PSEN1: variants seen among roughly 807,000 people sequenced by gnomAD.
The protein encoded by PSEN1 is presenilin 1, also known as presenilin-1.
Under a neutral mutation model 53.5 loss-of-function variants are expected in PSEN1, and 15 were observed. The ratio of observed to expected loss-of-function variants is 0.28; its 90% CI spans 0.19 to 0.43. The LOEUF (loss-of-function observed/expected upper bound fraction) is 0.43. Ranked by LOEUF, PSEN1 falls within the 20% of genes least tolerant of loss-of-function variation. The pLI is 1.00. For missense variants in PSEN1, 387 were observed against 571.2 expected, an observed-to-expected ratio of 0.68 and a Z score of 3.29; for synonymous variants, 208 against 209.8, an observed-to-expected ratio of 0.99 and a Z score of 0.08.
At position 73,220,407 on chromosome 14, in the gene PSEN1, C is replaced by A. The variant is rs1248388663; in HGVS notation, c.*1118C>A. The A allele has an allele frequency of 6.5e-6, 1 of 152,678 alleles. No homozygotes were observed. Among genetic ancestry groups the A allele is most frequent in the Non-Finnish European group, 1.5e-5 (1 of 68,044 alleles). The allele number at this position is 152,678 out of a possible 1,614,324, so 9.5% of individuals were successfully genotyped here. A position where few individuals can be genotyped will look rare whatever the true frequency, so the allele number is the denominator to read the frequency against. ...AGTAAAATGGCTGTTGAAGCACTTT[C>A]TGTCCTGGTATTTTGTTTTTGCTTT... On this transcript the variant is annotated 3_prime_UTR_variant, in exon 12 of 12. Transcript: ENST00000324501.
chr14:73,218,688 C>T (rs1302517414), intron 11 of PSEN1, among the ~76,000 whole-genome samples: 1 of 149,978 alleles, frequency 6.7e-6, no homozygotes, highest in African/African-American at 2.5e-5. Flanking sequence ...AATGCCCCCG[C>T]ACAGCATAGA....
chr14:73,166,688 G>T (rs765739473), intron 3 of PSEN1, among the ~76,000 whole-genome samples: 1 of 152,142 alleles, frequency 6.6e-6, no homozygotes, highest in African/African-American at 2.4e-5. Context: ...TTCTGGTCCC[G>T]TTGGCCTCAC....
At chr14:73,169,532 T>G (rs1026225185) in intron 3 of PSEN1, 1 of 152,230 alleles carries the variant, frequency 6.6e-6, no homozygotes, top group Non-Finnish European at 1.5e-5. Context: ...AGCCTGTTTA[T>G]CTTATTGTGT....
At chr14:73,202,460 A>G (rs1206202412) in intron 8 of PSEN1, among the ~76,000 whole-genome samples, 2 of 12,164 alleles carry the variant, frequency 1.6e-4, no homozygotes, top group African/African-American at 5.3e-4. Context: ...ATATATATAT[A>G]TATTTTTTTT....
intron 7 of PSEN1, among the ~76,000 whole-genome samples, chr14:73,194,425 TA>T (rs35230037): frequency 7.9e-5 from 12 of 151,556 alleles, no homozygotes; most frequent in African/African-American, 2.2e-4. Context: ...CCTAATTTTT[TA>T]AAAAAAAATT....
At chr14:73,214,434 G>A (rs1899827016) in intron 10 of PSEN1, among the ~76,000 whole-genome samples, 1 of 151,728 alleles carries the variant, frequency 6.6e-6, no homozygotes, top group South Asian at 2.1e-4. Context: ...GGAGGCTGAG[G>A]CAGGAGAATC....
intron 5 of PSEN1, among the ~76,000 whole-genome samples, chr14:73,175,459 T>C (rs1237946140): frequency 6.6e-6 from 1 of 151,486 alleles, no homozygotes; most frequent in Non-Finnish European, 1.5e-5. Context: ...CTGAGCAACA[T>C]AGTAAGACCT....
Position 73,221,483 on chromosome 14 carries a change from T to C in PSEN1, c.*2194T>C, listed in dbSNP as rs1352789434. 1 of 152,142 alleles carries C rather than the reference T, an allele frequency of 6.6e-6. No homozygotes were observed. Among genetic ancestry groups the C allele is most frequent in the African/African-American group, 2.4e-5 (1 of 41,382 alleles). 9.4% of individuals were successfully genotyped at this position (152,142 alleles called of 1,614,324 possible). On this transcript the variant is annotated 3_prime_UTR_variant, in exon 12 of 12. Coordinates refer to ENST00000324501, the MANE Select transcript of PSEN1 (RefSeq NM_000021.4). ...TGTGTATTTAAATCCATCCTATGTATTACTGATTGTCCTGTGTAGAAAGAT... is the reference window on the plus strand; with the variant it reads ...TGTGTATTTAAATCCATCCTATGTACTACTGATTGTCCTGTGTAGAAAGAT...
rs1321315363 is a variant in PSEN1, at chr14:73,151,878, T to TTTTATATATATATATATATATATATA, written c.87+3773_87+3774insTTATATATATATATATATATATATAT. Among the ~76,000 whole-genome samples, 34 of 56,924 alleles carry TTTTATATATATATATATATATATATA rather than the reference T, an allele frequency of 6.0e-4. 1 individual carries two copies. The highest frequency in any genetic ancestry group is 3.0e-3 in the African/African-American group (33 of 10,970). 37.3% of individuals were successfully genotyped at this position (56,924 alleles called of 152,430 possible). ...GCTACTGCGCCCAACCTAAAATATTTTATATATATATATATATTTTTTTTT... is the reference window on the plus strand; with the variant it reads ...GCTACTGCGCCCAACCTAAAATATTTTTTATATATATATATATATATATATATATATATATATATATATTTTTTTTT... On this transcript the variant is annotated intron_variant, in intron 3 of 11. Transcript: ENST00000324501.
rs150816995 is a variant in PSEN1 at position 73,196,923 on chromosome 14, T to C, written c.770-1108T>C. Among the ~76,000 whole-genome samples, 27 of 150,292 alleles carry C rather than the reference T, an allele frequency of 1.8e-4. 1 individual carries two copies. The highest frequency in any genetic ancestry group is 6.6e-4 in the African/African-American group (27 of 40,766). The stretch of plus-strand genomic sequence containing the variant: ...ATATTTTTATATTCTGAATTTTCTT[T>C]CTTTCTTTCTTTTTTTTTTTTTTTT... On this transcript the variant is annotated intron_variant, in intron 7 of 11. Transcript: ENST00000324501.
intron 7 of PSEN1, among the ~76,000 whole-genome samples, chr14:73,193,768 C>T (rs775688144): frequency 2.0e-5 from 3 of 151,960 alleles, no homozygotes; most frequent in South Asian, 2.1e-4. Context: ...GCGATCCTCC[C>T]ACTTCAGCCT....
At chr14:73,195,149 G>A (rs893432034) in intron 7 of PSEN1, among the ~76,000 whole-genome samples, 2 of 152,102 alleles carry the variant, frequency 1.3e-5, no homozygotes, top group Admixed American at 1.3e-4. Context: ...CAGAATGTCT[G>A]GGTTCAAATT....
intron 3 of PSEN1, among the ~76,000 whole-genome samples, chr14:73,157,095 A>G (rs1227156006): frequency 6.6e-6 from 1 of 151,740 alleles, no homozygotes; most frequent in Non-Finnish European, 1.5e-5. Context: ...GACACTTTTC[A>G]AAGCACCTAC....
intron 3 of PSEN1, among the ~76,000 whole-genome samples, chr14:73,162,308 C>G (rs1566625021): frequency 2.0e-5 from 3 of 151,894 alleles, no homozygotes. Flanking sequence ...TGGTAAAAAT[C>G]TAAGCACTTG....
chr14:73,219,102 G>T (rs1247726381), intron 11 of PSEN1, 32 bp from the exon 12 acceptor site: 7 of 1,609,848 alleles, frequency 4.3e-6, no homozygotes, highest in Non-Finnish European at 6.0e-6. Flanking sequence ...ATAATTATGT[G>T]TGAATGTGTG....
At chr14:73,151,650 G>A (rs1897227055) in intron 3 of PSEN1, among the ~76,000 whole-genome samples, 1 of 151,838 alleles carries the variant, frequency 6.6e-6, no homozygotes, top group South Asian at 2.1e-4. Context: ...CGACCTCCTT[G>A]AGACCAGGGT....
chr14:73,167,821 C>A, intron 3 of PSEN1: 1 of 144,084 alleles, frequency 6.9e-6, no homozygotes, highest in South Asian at 2.2e-4. Flanking sequence ...TTGCAAGCCT[C>A]TTCCACCTTT....
In PSEN1 at chr14:73,145,324, A is replaced by C. The variant is rs143988789; in HGVS notation, c.-135-2471A>C. Among the ~76,000 whole-genome samples, 479 of 152,008 alleles carry C rather than the reference A, an allele frequency of 3.2e-3. 2 individuals carry two copies. The highest frequency in any genetic ancestry group is 8.8e-3 in the African/African-American group (363 of 41,450). ...TATGGGTTTTTCCATAATGGAGTGT[A>C]CTTTTATTATTTTATTATTTGTTTT... On this transcript the variant is annotated intron_variant, in intron 1 of 11. Coordinates refer to ENST00000324501, the MANE Select transcript of PSEN1 (RefSeq NM_000021.4).
chr14:73,170,861 C>G lies in PSEN1; in HGVS notation c.152C>G (p.Ser51Cys), dbSNP rs1475323603. The G allele has an allele frequency of 1.2e-6, 2 of 1,614,068 alleles. No individual in the cohort carries two copies. Among genetic ancestry groups the G allele is most frequent in the Admixed American group, 1.7e-5 (1 of 60,000 alleles). ...RRSLGHPEPL[S>C]NGRPQGNSRQ... Reference sequence around the variant, plus strand: ...AGCCTTGGCCACCCTGAGCCATTATCTAATGGACGACCCCAGGGTAACTCC... The same window carrying G: ...AGCCTTGGCCACCCTGAGCCATTATGTAATGGACGACCCCAGGGTAACTCC... The change falls in exon 4 of 12, where the codon TCT becomes TGT. Residue 51 changes from serine (S) to cysteine (C), a missense_variant. Around this residue, in one of 4 missense-constraint regions of PSEN1, gnomAD observed 99 missense variants for 101.5 expected, o/e 0.98. Coordinates refer to ENST00000324501, the MANE Select transcript of PSEN1 (RefSeq NM_000021.4).
Sources: allele counts gnomAD v4.1 joint callset (sites outside exome capture counted in the v4.1 genomes callset), GRCh38; gene constraint gnomAD v4.1.1; regional missense constraint gnomAD v4.1.1; transcripts MANE v1.5; gene names NCBI Gene and HGNC (gene_info 2026-07-23, HGNC 2026-07-21).